The following NDRG3 variants were observed in gnomAD, a reference collection of about 807,000 sequenced individuals.
NDRG3 encodes the protein NDRG family member 3, also known as protein NDRG3.
Under a neutral mutation model 57.2 loss-of-function variants are expected in NDRG3, and 23 were observed. That is an observed-to-expected ratio of 0.40 (90% confidence interval 0.29 to 0.57). The LOEUF (loss-of-function observed/expected upper bound fraction) is 0.57. Among genes scored for constraint, NDRG3 ranks in the 20% least tolerant of loss-of-function variants. The pLI is 0.42. For missense variants in NDRG3, 384 were observed against 457.3 expected (o/e 0.84, Z 1.46); for synonymous variants, 132 against 162.6 (o/e 0.81, Z 1.43).
Position 36,653,189 on chromosome 20 carries a change from C to T in NDRG3, c.*331G>A, listed in dbSNP as rs6101647. The T allele has an allele frequency of 4.1e-5, 9 of 218,130 alleles. No homozygotes were observed. The highest frequency in any genetic ancestry group is 9.7e-5 in the East Asian group (1 of 10,284). The allele number at this position is 218,130 out of a possible 1,614,324, so 13.5% of individuals were successfully genotyped here. On this transcript the variant is annotated 3_prime_UTR_variant, in exon 16 of 16. Coordinates refer to ENST00000349004, the MANE Select transcript of NDRG3 (RefSeq NM_032013.4). This position sits in a 1 kb window ranked among gnomAD's most constrained non-coding sequence, Gnocchi z 4.2. ...AACTATGCACACACAAACACAGACA[C>T]GCGTGCTCGCACACACAGAGTCGGG...
At chr20:36,726,490 C>T (rs1434001391) in intron 1 of NDRG3, among the ~76,000 whole-genome samples, 2 of 152,114 alleles carry the variant, frequency 1.3e-5, no homozygotes, top group African/African-American at 4.8e-5. Context: ...CAAGCCCTTG[C>T]CAATGAGCAG....
rs1982028575 is a variant in NDRG3 at position 36,688,930 on chromosome 20, ACG to A, written c.94-148_94-147del. On this transcript the variant is annotated intron_variant, in intron 3 of 15. Transcript: ENST00000349004. Reference sequence around the variant, plus strand: ...TACATGTGGCTGGGCGTGGTGGTTCACGCCTGTAATCCCAGCACTTTGGGAGG... The same window carrying A: ...TACATGTGGCTGGGCGTGGTGGTTCACCTGTAATCCCAGCACTTTGGGAGG... 1.2e-5 allele frequency: 8 copies of A among 654,770 alleles called. No homozygotes were observed. The African/African-American group carries it at 1.4e-4, about 12-fold the overall frequency. 40.6% of individuals were successfully genotyped at this position (654,770 alleles called of 1,614,324 possible).
Position 36,665,065 on chromosome 20 carries a change from G to T in NDRG3, c.791C>A (p.Ser264Ter). 6.2e-7 allele frequency: 1 copy of T among 1,614,026 alleles called. No homozygotes were observed. The highest frequency in any genetic ancestry group is 8.5e-7 in the Non-Finnish European group (1 of 1,179,960). ...CSTLLVVGDN[S>*]PAVEAVVECN... The stretch of plus-strand genomic sequence containing the variant: ...ACTTACCACAGCCTCAACTGCAGGC[G>T]AATTGTCCCCTACCACCAGTAAAGT... The change falls in exon 12 of 16, where the codon TCG becomes TAG. Residue 264 changes from serine to a stop codon, truncating the protein, a stop_gained. Coordinates refer to ENST00000349004, the MANE Select transcript of NDRG3 (RefSeq NM_032013.4). LOFTEE classifies it high-confidence loss of function.
intron 3 of NDRG3, among the ~76,000 whole-genome samples, chr20:36,689,020 C>A (rs1425592855): frequency 2.0e-5 from 3 of 152,046 alleles, no homozygotes; most frequent in Non-Finnish European, 4.4e-5. Context: ...CATGATGAAA[C>A]CCTGTCTTTA....
intron 9 of NDRG3, among the ~76,000 whole-genome samples, chr20:36,668,009 G>T (rs917077992): frequency 6.6e-6 from 1 of 152,190 alleles, no homozygotes; most frequent in Non-Finnish European, 1.5e-5. Context: ...GGAGGCTGAG[G>T]CAGGAGGATC....
chr20:36,715,633 C>T (rs1984230792), intron 2 of NDRG3, among the ~76,000 whole-genome samples: 1 of 147,856 alleles, frequency 6.8e-6, no homozygotes, highest in Non-Finnish European at 1.5e-5. Flanking sequence ...GCGTGGGCAA[C>T]AAAGTGAGAC....
chr20:36,658,235 G>A (rs1158752814), intron 13 of NDRG3, among the ~76,000 whole-genome samples: 2 of 152,164 alleles, frequency 1.3e-5, no homozygotes, highest in African/African-American at 2.4e-5. Flanking sequence ...AGGTTCAAGC[G>A]ATTCTCCTGC....
chr20:36,685,779 C>G (rs766844007), intron 5 of NDRG3, among the ~76,000 whole-genome samples: 1 of 152,272 alleles, frequency 6.6e-6, no homozygotes. Flanking sequence ...GAGGCTGAGG[C>G]AACCAGATTG....
chr20:36,706,927 C>A, intron 3 of NDRG3, 45 bp downstream of exon 3: 3 of 1,560,216 alleles, frequency 1.9e-6, no homozygotes, highest in Non-Finnish European at 2.6e-6. Context: ...GGAAACACTG[C>A]AGAGATCCTG....
chr20:36,656,551 G>T lies in NDRG3; in HGVS notation c.859-19C>A. The T allele has an allele frequency of 1.2e-6, 2 of 1,613,930 alleles. No homozygotes were observed. The highest frequency in any genetic ancestry group is 8.5e-7 in the Non-Finnish European group (1 of 1,179,840). The stretch of plus-strand genomic sequence containing the variant: ...CCGCCATCTAGAAAAGGAAAAATAT[G>T]CAAGTCAGCTGGGACTTACCCTTAA... On this transcript the variant is annotated intron_variant, in intron 13 of 15. Transcript: ENST00000349004.
At chr20:36,656,606 T>A in intron 13 of NDRG3, 74 bp from the exon 14 acceptor site, 1 of 1,525,326 alleles carries the variant, frequency 6.6e-7, no homozygotes, top group Non-Finnish European at 9.1e-7. Context: ...CCAAGTCCTT[T>A]CAAACAGAAC....
At chr20:36,723,659 A>AATATGT (rs74173994) in intron 1 of NDRG3, among the ~76,000 whole-genome samples, 34 of 132,940 alleles carry the variant, frequency 2.6e-4, no homozygotes, top group African/African-American at 9.6e-4. Context: ...ATATTAGTCT[A>AATATGT]GTGTGTGTGT....
intron 1 of NDRG3, among the ~76,000 whole-genome samples, chr20:36,740,266 A>G (rs1238323253): frequency 2.0e-5 from 3 of 152,218 alleles, no homozygotes; most frequent in Non-Finnish European, 4.4e-5. Context: ...TGCCACTGCA[A>G]TTAGTGTTTA....
chr20:36,697,957 T>C (rs1982937176), intron 3 of NDRG3, among the ~76,000 whole-genome samples: 3 of 150,338 alleles, frequency 2.0e-5, no homozygotes, highest in Admixed American at 2.0e-4. Flanking sequence ...AGTTTTTTTC[T>C]TTTTTCTTTT....
chr20:36,685,240 GAATGC>G (rs1419641655), intron 5 of NDRG3, among the ~76,000 whole-genome samples: 7 of 151,946 alleles, frequency 4.6e-5, no homozygotes, highest in Non-Finnish European at 7.4e-5. Context: ...CCCTTAGCAT[GAATGC>G]TTATTTGTTT....
chr20:36,729,257 T>C (rs1985131865), intron 1 of NDRG3, among the ~76,000 whole-genome samples: 1 of 152,124 alleles, frequency 6.6e-6, no homozygotes, highest in Admixed American at 6.6e-5. Flanking sequence ...TCTCAGTAGT[T>C]ATAACGCTAA....
intron 2 of NDRG3, among the ~76,000 whole-genome samples, chr20:36,721,219 T>C (rs1270356665): frequency 6.6e-6 from 1 of 151,700 alleles, no homozygotes; most frequent in Non-Finnish European, 1.5e-5. Flanking sequence ...GGGGGAAACA[T>C]CAAAAAGATG....
intron 9 of NDRG3, among the ~76,000 whole-genome samples, chr20:36,667,349 T>C (rs7345372): frequency 1.3e-5 from 2 of 151,988 alleles, no homozygotes; most frequent in Non-Finnish European, 1.5e-5. Context: ...ACTATCATAA[T>C]GTACTGCAGC....
chr20:36,695,595 G>A (rs111513606), intron 3 of NDRG3, among the ~76,000 whole-genome samples: 2 of 152,198 alleles, frequency 1.3e-5, no homozygotes, highest in Non-Finnish European at 2.9e-5. Flanking sequence ...GATGAAACAC[G>A]TCCTGGTCTC....
Sources: gnomAD v4.1 joint callset for allele counts (sites outside exome capture counted in the v4.1 genomes callset) on GRCh38, gnomAD v4.1.1 for gene constraint, Gnocchi (gnomAD v3.1) non-coding constraint, MANE v1.5 for transcripts, NCBI Gene and HGNC (gene_info 2026-07-23, HGNC 2026-07-21) for gene names.